The following SPTBN5 variants were observed in gnomAD, a reference collection of about 807,000 sequenced individuals.
SPTBN5 encodes the protein spectrin beta chain, non-erythrocytic 5.
SPTBN5 carries 513 observed loss-of-function variants against 477.6 expected under a neutral mutation model. The ratio of observed to expected loss-of-function variants is 1.07; its 90% CI spans 1.00 to 1.16. The LOEUF (loss-of-function observed/expected upper bound fraction) is 1.16, where lower values mean the gene tolerates loss of function less well. SPTBN5 is among the 50% of genes most tolerant of loss of function. The pLI is 0.00. For synonymous variants in SPTBN5, 2,169 were observed against 2,011.7 expected (o/e 1.08, Z -2.09); for missense variants, 5,062 against 4,731.8 (o/e 1.07, Z -2.05).
At position 41,852,852 on chromosome 15, in the gene SPTBN5, T is replaced by G. The variant is rs748800465; in HGVS notation, c.10319A>C (p.Glu3440Ala). Reference protein sequence around the residue: ...EQAEAWLACWEGLLLKPDYGH... With the variant: ...EQAEAWLACWAGLLLKPDYGH... ...ATAGTCGGGCTTCAGCAGGAGTCCC[T>G]CCCAGCAGGCCAGCCAGGCCTCAGC... Residue 3440 changes from glutamate (E) to alanine (A), a missense_variant, in exon 60 of 68, where the codon GAG (glutamate) becomes GCG (alanine). By Grantham distance (107) the Glu-to-Ala change is moderately radical. Coordinates refer to ENST00000320955, the MANE Select transcript of SPTBN5 (RefSeq NM_016642.4). 102 of 1,605,938 alleles carry G rather than the reference T, an allele frequency of 6.4e-5. No individual in the cohort carries two copies. Among genetic ancestry groups the G allele is most frequent in the Non-Finnish European group, 8.5e-5 (100 of 1,175,628 alleles).
In SPTBN5 at chr15:41,886,010, C is replaced by T. The variant is rs1260204285; in HGVS notation, c.1245G>A (p.Gln415=). ...GCCGCTGCAGCTGCAGTAGCCTCTG[C>T]TGCAGGGCCTGGCTCCTTGCAGCCT... ...WAEAARSQAL[Q]QRLLQLQRLE... The change falls in exon 7 of 68, where the codon CAG becomes CAA. Residue 415 remains glutamine (Q), a synonymous_variant. Coordinates refer to ENST00000320955, the MANE Select transcript of SPTBN5 (RefSeq NM_016642.4). 1.3e-6 allele frequency: 2 copies of T among 1,551,262 alleles called. No individual in the cohort carries two copies. Among genetic ancestry groups the T allele is most frequent in the East Asian group, 2.3e-5 (1 of 42,990 alleles).
intron 3 of SPTBN5, among the ~76,000 whole-genome samples, chr15:41,891,448 C>T (rs2067309989): frequency 6.6e-6 from 1 of 152,216 alleles, no homozygotes; most frequent in Non-Finnish European, 1.5e-5. Flanking sequence ...GTTGGAGCCT[C>T]TGGTGAGTGG....
At chr15:41,863,849 C>T in intron 40 of SPTBN5, 31 bp from the exon 41 acceptor site, 5 of 1,612,808 alleles carry the variant, frequency 3.1e-6, no homozygotes, top group Non-Finnish European at 4.2e-6. Context: ...TCATGTGGAG[C>T]CTGAGGTGGC....
At chr15:41,870,422 T>C in intron 30 of SPTBN5, 24 bp downstream of exon 30, 1 of 1,612,076 alleles carries the variant, frequency 6.2e-7, no homozygotes, top group Non-Finnish European at 8.5e-7. Context: ...TGTATCCACT[T>C]CTAGCCACCC....
intron 25 of SPTBN5, 22 bp downstream of exon 25, chr15:41,873,823 A>G (rs570326031): frequency 2.5e-6 from 4 of 1,606,568 alleles, no homozygotes; most frequent in East Asian, 4.5e-5. Context: ...TCTTCCCCCA[A>G]CCCCACCTCT....
intron 47 of SPTBN5, among the ~76,000 whole-genome samples, chr15:41,860,104 C>G (rs1192922852): frequency 1.3e-5 from 2 of 152,244 alleles, no homozygotes; most frequent in Admixed American, 1.3e-4. Flanking sequence ...TGAACTAAGA[C>G]TTCTGCTAGC....
At chr15:41,857,849 TAAG>T in intron 49 of SPTBN5, 139 bp from the exon 50 acceptor site, 1 of 1,007,030 alleles carries the variant, frequency 9.9e-7, no homozygotes, top group Non-Finnish European at 1.4e-6. Context: ...TTTCTTTACC[TAAG>T]CCTCATTTTC....
At chr15:41,884,025 G>A (rs1011042450) in intron 7 of SPTBN5, among the ~76,000 whole-genome samples, 23 of 151,424 alleles carry the variant, frequency 1.5e-4, no homozygotes, top group African/African-American at 3.9e-4. Flanking sequence ...TCACTCCTTC[G>A]CCCAGGCCGG....
intron 26 of SPTBN5, among the ~76,000 whole-genome samples, chr15:41,872,862 T>C (rs973053695): frequency 6.6e-6 from 1 of 152,150 alleles, no homozygotes; most frequent in African/African-American, 2.4e-5. Flanking sequence ...TACAGGCCTT[T>C]AGAAAGACCT....
chr15:41,880,868 C>A (rs2066926669), intron 13 of SPTBN5, among the ~76,000 whole-genome samples, 166 bp downstream of exon 13: 1 of 152,240 alleles, frequency 6.6e-6, no homozygotes, highest in South Asian at 2.1e-4. Context: ...CTCATGTGAT[C>A]CCATCACACC....
At chr15:41,875,661 T>C in intron 21 of SPTBN5, 39 bp from the exon 22 acceptor site, 1 of 1,538,854 alleles carries the variant, frequency 6.5e-7, no homozygotes, top group Non-Finnish European at 8.8e-7. Flanking sequence ...TTGGCTGAGC[T>C]GCTGGTACCA....
chr15:41,885,690 A>G, intron 7 of SPTBN5, 45 bp downstream of exon 7: 2 of 1,523,170 alleles, frequency 1.3e-6, no homozygotes, highest in Non-Finnish European at 1.8e-6. Context: ...GTGTGGTAGG[A>G]CAGCCTCAGC....
chr15:41,887,539 ATCT>A, intron 5 of SPTBN5, 98 bp from the exon 6 acceptor site: 2 of 964,012 alleles, frequency 2.1e-6, no homozygotes, highest in South Asian at 1.5e-5. Flanking sequence ...GGCCATTCAC[ATCT>A]TCTTGTGAAT....
rs201267089 is a variant in SPTBN5 at position 41,862,318 on chromosome 15, C to T, written c.7386-26G>A. On this transcript the variant is annotated intron_variant, in intron 43 of 67. Transcript: ENST00000320955. ...CTGCCCACAGCGCTCATCAGCTAGT[C>T]GTCAGGCCTTCAAACCCCTCTCCCC... 1,688 of 1,568,598 alleles carry T rather than the reference C, an allele frequency of 1.1e-3. 3 individuals are homozygous for T. The highest frequency in any genetic ancestry group is 1.3e-3 in the Non-Finnish European group (1,547 of 1,155,298).
rs1042391431 is a variant in SPTBN5, at chr15:41,848,866, C to T, written c.11013-238G>A. On this transcript the variant is annotated intron_variant, in intron 67 of 67. Coordinates refer to ENST00000320955, the MANE Select transcript of SPTBN5 (RefSeq NM_016642.4). Reference sequence around the variant, plus strand: ...CTACGTCTGTCAGCTGGCCTAGCAGCCCCAGCCCTGGGTTAGAGACAGCAG... The same window carrying T: ...CTACGTCTGTCAGCTGGCCTAGCAGTCCCAGCCCTGGGTTAGAGACAGCAG... Among the ~76,000 whole-genome samples the T allele has an allele frequency of 1.2e-4, 18 of 152,296 alleles. No individual in the cohort carries two copies. In the East Asian group the frequency reaches 3.3e-3, roughly 28 times the overall value.
intron 34 of SPTBN5, 71 bp from the exon 35 acceptor site, chr15:41,867,713 C>T (rs1264977363): frequency 2.1e-6 from 3 of 1,426,424 alleles, no homozygotes; most frequent in Middle Eastern, 1.7e-4. Flanking sequence ...CAGTCTGTGC[C>T]CATGGGCACT....
At chr15:41,877,788 G>A (rs554417437) in intron 17 of SPTBN5, among the ~76,000 whole-genome samples, 2 of 152,346 alleles carry the variant, frequency 1.3e-5, no homozygotes, top group East Asian at 3.9e-4. Context: ...ACTGGAGTCT[G>A]GCAAGCTGAG....
intron 9 of SPTBN5, 115 bp from the exon 10 acceptor site, chr15:41,882,853 C>A: frequency 7.1e-7 from 1 of 1,413,128 alleles, no homozygotes. Flanking sequence ...CCCTGGATGA[C>A]TCAACAGGTG....
Position 41,853,634 on chromosome 15 carries a change from G to A in SPTBN5, c.9928C>T (p.Leu3310=), listed in dbSNP as rs1028108725. 1 of 1,594,228 alleles carries A rather than the reference G, an allele frequency of 6.3e-7. No homozygotes were observed. The highest frequency in any genetic ancestry group is 1.3e-5 in the African/African-American group (1 of 74,850). Residue 3310 remains leucine (L), a synonymous_variant, in exon 58 of 68, where the codon CTG becomes TTG. Transcript: ENST00000320955. ...QAKAQERGQW[L]AQAAQGHAFL... ...GCATGGCCCTGTGCAGCCTGCGCCA[G>A]CCACTGGCCTCGCTCCTGGGCCTTC... is the stretch of plus-strand genomic sequence containing the variant.
Sources: gnomAD v4.1 joint callset for allele counts (sites outside exome capture counted in the v4.1 genomes callset) on GRCh38, gnomAD v4.1.1 for gene constraint, MANE v1.5 for transcripts, NCBI Gene and HGNC (gene_info 2026-07-23, HGNC 2026-07-21) for gene names.